TGIF1: variants seen among roughly 807,000 people sequenced by gnomAD.
The protein encoded by TGIF1 is homeobox protein TGIF1.
TGIF1 carries 4 observed loss-of-function variants against 19.3 expected under a neutral mutation model. The ratio of observed to expected loss-of-function variants is 0.21; its 90% CI spans 0.10 to 0.47. TGIF1 has a LOEUF of 0.47. Ranked by LOEUF, TGIF1 falls within the 20% of genes least tolerant of loss-of-function variation. The pLI is 0.98. For missense variants in TGIF1, 275 were observed against 341.4 expected (o/e 0.81, Z 1.53); for synonymous variants, 122 against 129.3 (o/e 0.94, Z 0.38).
upstream of TGIF1, chr18:3,449,437 G>GTC: frequency 2.0e-6 from 2 of 985,484 alleles, no homozygotes; most frequent in Non-Finnish European, 1.2e-6. Flanking sequence ...ACAAGTGTCT[G>GTC]TCCGCAACGT....
intron 2 of TGIF1, among the ~76,000 whole-genome samples, chr18:3,421,083 C>T (rs914970899): frequency 1.3e-5 from 2 of 151,974 alleles, no homozygotes; most frequent in Admixed American, 1.3e-4. Flanking sequence ...TGCCTTGTGA[C>T]GTCAAAGCTG....
At chr18:3,423,361 C>T (rs2082430254) in intron 2 of TGIF1, among the ~76,000 whole-genome samples, 1 of 152,032 alleles carries the variant, frequency 6.6e-6, no homozygotes, top group South Asian at 2.1e-4. Context: ...GCCTGGGCAA[C>T]ATAGTGAGAC....
In TGIF1 at chr18:3,451,638, G is replaced by T. The variant is rs541191528; in HGVS notation, c.16+1133G>T. ...CGCTGCGGGGCGTTCCTGGGGGGTA[G>T]CCTCAAGGCCAGCGGGGTTCCTTCG... On this transcript the variant is annotated intron_variant, in intron 1 of 2. Coordinates refer to ENST00000343820, the MANE Select transcript of TGIF1 (RefSeq NM_003244.4). The surrounding 1 kb of genome is among the most constrained non-coding windows in gnomAD (Gnocchi z 5.4). 35 of 1,118,140 alleles carry T rather than the reference G, an allele frequency of 3.1e-5. No individual in the cohort carries two copies. Among genetic ancestry groups the T allele is most frequent in the Non-Finnish European group, 3.4e-5 (31 of 916,192 alleles). 69.3% of individuals were successfully genotyped at this position (1,118,140 alleles called of 1,614,324 possible).
intron 1 of TGIF1, chr18:3,418,125 T>G (rs1424853768): frequency 1.3e-5 from 2 of 152,184 alleles, no homozygotes; most frequent in Non-Finnish European, 2.9e-5. Flanking sequence ...GTCCTGATTT[T>G]GTGCTGCTGT....
At chr18:3,419,279 C>A (rs924661891) in intron 2 of TGIF1, among the ~76,000 whole-genome samples, 2 of 152,152 alleles carry the variant, frequency 1.3e-5, no homozygotes, top group African/African-American at 4.8e-5. Flanking sequence ...ATTCATTCCA[C>A]ATAAAAACTT....
intron 1 of TGIF1, chr18:3,455,767 A>G (rs373908688): frequency 1.2e-5 from 2 of 160,170 alleles, no homozygotes; most frequent in Admixed American, 5.8e-5. Flanking sequence ...TTAGCAGAAA[A>G]TTTTAACATG....
intron 1 of TGIF1, among the ~76,000 whole-genome samples, chr18:3,416,701 G>C (rs879513910): frequency 1.3e-5 from 2 of 152,084 alleles, no homozygotes; most frequent in African/African-American, 2.4e-5. Flanking sequence ...GAGGCCAAGA[G>C]GGGGCAGATA....
intron 2 of TGIF1, among the ~76,000 whole-genome samples, chr18:3,426,989 T>TCTCGG: frequency 6.7e-6 from 1 of 149,102 alleles, no homozygotes; most frequent in East Asian, 2.0e-4. Context: ...AATGGCATGA[T>TCTCGG]CTCGGCTCAC....
At chr18:3,419,470 A>G (rs1044253596) in intron 2 of TGIF1, among the ~76,000 whole-genome samples, 20 of 152,226 alleles carry the variant, frequency 1.3e-4, no homozygotes, top group African/African-American at 4.8e-4. Context: ...GTATTAGGTC[A>G]GGAGAATGCT....
Position 3,459,737 on chromosome 18 carries a change from A to G in TGIF1, c.*1797A>G, listed in dbSNP as rs2049463296. On this transcript the variant is annotated 3_prime_UTR_variant, in exon 3 of 3. Transcript: ENST00000343820. ...GGAAAGGAGCCATATGACTCATTTAAAAGAAAAACTGTAAGTCACCTTAAA... is the reference window on the plus strand; with the variant it reads ...GGAAAGGAGCCATATGACTCATTTAGAAGAAAAACTGTAAGTCACCTTAAA... The G allele has an allele frequency of 1.3e-5, 2 of 152,340 alleles. No homozygotes were observed. Among genetic ancestry groups the G allele is most frequent in the Non-Finnish European group, 1.5e-5 (1 of 68,026 alleles). The allele number at this position is 152,340 out of a possible 1,614,324, so 9.4% of individuals were successfully genotyped here. A position where few individuals can be genotyped will look rare whatever the true frequency, so the allele number is the denominator to read the frequency against.
intron 2 of TGIF1, among the ~76,000 whole-genome samples, chr18:3,425,117 G>A (rs1049979110): frequency 3.9e-5 from 6 of 152,208 alleles, no homozygotes; most frequent in African/African-American, 1.2e-4. Context: ...CTCTCAACCC[G>A]TGAGGTTTGA....
intron 1 of TGIF1, among the ~76,000 whole-genome samples, chr18:3,452,575 C>G (rs557350653): frequency 6.6e-6 from 1 of 152,160 alleles, no homozygotes; most frequent in African/African-American, 2.4e-5. Flanking sequence ...TTTGCTTGTG[C>G]TAACTCGTGC....
At chr18:3,417,267 C>T (rs1001156763) in intron 1 of TGIF1, among the ~76,000 whole-genome samples, 1 of 152,152 alleles carries the variant, frequency 6.6e-6, no homozygotes, top group African/African-American at 2.4e-5. Flanking sequence ...TCAAGCTATT[C>T]TCCAGCCTCA....
upstream of TGIF1, chr18:3,448,073 C>CGG (rs34135793): frequency 4.6e-5 from 44 of 947,900 alleles, no homozygotes; most frequent in Middle Eastern, 1.1e-3. Flanking sequence ...CTAAAGCGGG[C>CGG]GGGGGGGGAG....
chr18:3,418,577 G>T (rs1399249917), intron 2 of TGIF1: 1 of 152,160 alleles, frequency 6.6e-6, no homozygotes, highest in Non-Finnish European at 1.5e-5. Flanking sequence ...CAGTACAGAT[G>T]CAACTATAGT....
At chr18:3,452,391 C>T (rs574935444) in intron 1 of TGIF1, 1 of 1,613,180 alleles carries the variant, frequency 6.2e-7, no homozygotes, top group African/African-American at 1.3e-5. Flanking sequence ...AGGTGACGGG[C>T]TGAAGGGGAA....
chr18:3,435,162 A>T lies in TGIF1; in HGVS notation c.-45+16947A>T, dbSNP rs188814783. ...CATTTCCATTTTCAAAGGCACAATT[A>T]AATTTCAGGCTTTTAATCTTTTAAA... On this transcript the variant is annotated intron_variant, in intron 2 of 3. Transcript: ENST00000401449. 1.6e-3 allele frequency among the ~76,000 whole-genome samples: 247 copies of T among 152,266 alleles called. 3 individuals carry two copies. Among genetic ancestry groups the T allele is most frequent in the African/African-American group, 5.7e-3 (237 of 41,560 alleles).
At chr18:3,419,451 A>G (rs914670291) in intron 2 of TGIF1, among the ~76,000 whole-genome samples, 6 of 152,120 alleles carry the variant, frequency 3.9e-5, no homozygotes, top group Non-Finnish European at 5.9e-5. Flanking sequence ...TATAGAAGAC[A>G]CCACGCTTGT....
At chr18:3,413,916 G>A (rs1271654567) in intron 1 of TGIF1, among the ~76,000 whole-genome samples, 2 of 152,162 alleles carry the variant, frequency 1.3e-5, no homozygotes, top group African/African-American at 2.4e-5. Context: ...CAGGCACTAT[G>A]TCGTGGGTTT....
Sources: gnomAD v4.1 joint callset for allele counts (sites outside exome capture counted in the v4.1 genomes callset) on GRCh38, gnomAD v4.1.1 for gene constraint, Gnocchi (gnomAD v3.1) non-coding constraint, MANE v1.5 for transcripts, NCBI Gene and HGNC (gene_info 2026-07-23, HGNC 2026-07-21) for gene names.